The following FOCAD variants were observed in gnomAD, a reference collection of about 807,000 sequenced individuals.
FOCAD encodes KIAA1797.
In FOCAD, 198 loss-of-function variants were observed where a neutral mutation model predicts 225.6. That is an observed-to-expected ratio of 0.88 (90% confidence interval 0.78 to 0.99). The LOEUF is 0.99. Ranked by LOEUF, FOCAD falls within the 50% of genes least tolerant of loss-of-function variation. The pLI, the probability that FOCAD is intolerant of heterozygous loss-of-function variation, is 0.00. For synonymous variants in FOCAD, 897 were observed against 755.0 expected, an observed-to-expected ratio of 1.19 and a Z score of -3.08; for missense variants, 2,713 against 2,123.6, an observed-to-expected ratio of 1.28 and a Z score of -5.46.
chr9:20,805,799 A>G (rs1822379328), intron 11 of FOCAD, among the ~76,000 whole-genome samples: 1 of 152,204 alleles, frequency 6.6e-6, no homozygotes. Flanking sequence ...GTCAGAAAGA[A>G]TAATACATAG....
chr9:20,658,560 C>T (rs905232129), intron 1 of FOCAD: 1 of 154,426 alleles, frequency 6.5e-6, no homozygotes, highest in African/African-American at 2.4e-5. Flanking sequence ...GTCTGTCACC[C>T]CTTTCTTTGA....
At chr9:20,923,839 C>T in intron 25 of FOCAD, 71 bp downstream of exon 25, 1 of 1,173,746 alleles carries the variant, frequency 8.5e-7, no homozygotes, top group Non-Finnish European at 1.3e-6. Flanking sequence ...TAGCCTGGCC[C>T]TGGGCTTACA....
intron 36 of FOCAD, 124 bp downstream of exon 36, chr9:20,976,672 T>C (rs1167404660): frequency 3.8e-6 from 4 of 1,052,388 alleles, no homozygotes; most frequent in South Asian, 1.4e-5. Context: ...AGGTTTGTCA[T>C]GTTGGATGGA....
chr9:20,815,123 G>GGTTTTTTTTTTTTTTTTTTTTTTTTTTT lies in FOCAD; in HGVS notation c.1456-4673_1456-4672insGTTTTTTTTTTTTTTTTTTTTTTTTTTT, dbSNP rs796702774. ...TCTGGAAATATCATTACTTCTCTTTGTTTTTTTTTTTTTGTTTTTTTTTTT... is the reference window on the plus strand; with the variant it reads ...TCTGGAAATATCATTACTTCTCTTTGGTTTTTTTTTTTTTTTTTTTTTTTTTTTTTTTTTTTTTTTTGTTTTTTTTTTT... On this transcript the variant is annotated intron_variant, in intron 11 of 43. Transcript: ENST00000338382. Among the ~76,000 whole-genome samples the GGTTTTTTTTTTTTTTTTTTTTTTTTTTT allele has an allele frequency of 4.8e-4, 41 of 85,386 alleles. 6 individuals carry two copies. The highest frequency in any genetic ancestry group is 2.4e-3 in the East Asian group (8 of 3,358). The allele number at this position is 85,386 out of a possible 152,430, so 56.0% of individuals were successfully genotyped here.
intron 35 of FOCAD, among the ~76,000 whole-genome samples, chr9:20,955,317 TGA>T (rs1838035949): frequency 6.6e-6 from 1 of 152,144 alleles, no homozygotes; most frequent in Non-Finnish European, 1.5e-5. Context: ...CAATCAAATT[TGA>T]GATAGTGAAT....
chr9:20,890,157 G>A (rs573415525), intron 21 of FOCAD, among the ~76,000 whole-genome samples: 1 of 151,692 alleles, frequency 6.6e-6, no homozygotes, highest in Admixed American at 6.6e-5. Context: ...TTTCTGATCT[G>A]TATGCCTGTC....
chr9:20,696,685 C>T (rs1823397282), intron 1 of FOCAD, among the ~76,000 whole-genome samples: 3 of 152,144 alleles, frequency 2.0e-5, no homozygotes, highest in Admixed American at 6.5e-5. Context: ...CAAGCCTGTA[C>T]TTCCAGCTAC....
chr9:20,812,305 C>A (rs1234114553), intron 11 of FOCAD, among the ~76,000 whole-genome samples: 1 of 151,702 alleles, frequency 6.6e-6, no homozygotes, highest in Non-Finnish European at 1.5e-5. Flanking sequence ...TATGAGCTAT[C>A]ATATTTTTTT....
At chr9:20,696,038 T>C (rs1484943222) in intron 1 of FOCAD, among the ~76,000 whole-genome samples, 1 of 152,248 alleles carries the variant, frequency 6.6e-6, no homozygotes, top group Non-Finnish European at 1.5e-5. Flanking sequence ...CATGCATTGC[T>C]GCATTGTTTT....
chr9:20,972,955 G>A (rs7848370), intron 35 of FOCAD, among the ~76,000 whole-genome samples: 1 of 150,738 alleles, frequency 6.6e-6, no homozygotes, highest in East Asian at 2.0e-4. Context: ...CTGTGCTTCT[G>A]CTTTCTGCAG....
At chr9:20,925,483 C>T (rs571995681) in intron 25 of FOCAD, among the ~76,000 whole-genome samples, 2 of 152,276 alleles carry the variant, frequency 1.3e-5, no homozygotes, top group East Asian at 3.9e-4. Context: ...GATGACCTTG[C>T]CTTTGGCTGT....
At chr9:20,789,647 G>C (rs1820316365) in intron 11 of FOCAD, 39 bp downstream of exon 11, 4 of 1,601,118 alleles carry the variant, frequency 2.5e-6, no homozygotes, top group Non-Finnish European at 3.4e-6. Context: ...TGAGAGGAAA[G>C]CTTAATCATT....
At chr9:20,940,150 G>A (rs1836498250) in intron 28 of FOCAD, among the ~76,000 whole-genome samples, 1 of 152,038 alleles carries the variant, frequency 6.6e-6, no homozygotes, top group Non-Finnish European at 1.5e-5. Context: ...GTCTGTTAGA[G>A]CCCAATTAAA....
intron 2 of FOCAD, among the ~76,000 whole-genome samples, chr9:20,667,971 C>A (rs942487841): frequency 1.3e-5 from 2 of 151,828 alleles, no homozygotes; most frequent in Non-Finnish European, 2.9e-5. Flanking sequence ...AAGGTTTAAG[C>A]GTGTTTGGAC....
Position 20,951,021 on chromosome 9 carries a change from G to A in FOCAD, c.3974G>A (p.Gly1325Asp), listed in dbSNP as rs746676362. ...GTCATTAGTGTCTCTGGGGTGATTG[G>A]TCTCCAGTCAAATGCAGTCTGGCTT... ...TQVISVSGVI[G>D]LQSNAVWLLG... The change falls in exon 34 of 44, where the codon GGT becomes GAT. Residue 1325 changes from glycine (G) to aspartate (D), a missense_variant. Physicochemically the swap from Gly to Asp is moderately conservative, Grantham distance 94. Transcript: ENST00000338382. The A allele has an allele frequency of 1.2e-6, 2 of 1,613,444 alleles. No individual in the cohort carries two copies. Among genetic ancestry groups the A allele is most frequent in the South Asian group, 2.2e-5 (2 of 91,028 alleles).
At chr9:20,863,993 C>T (rs1002599364) in intron 16 of FOCAD, among the ~76,000 whole-genome samples, 3 of 151,778 alleles carry the variant, frequency 2.0e-5, no homozygotes, top group Non-Finnish European at 2.9e-5. Context: ...GTATCTTATA[C>T]TAGGGTTCCT....
At chr9:20,661,220 G>T (rs530349186) in intron 2 of FOCAD, among the ~76,000 whole-genome samples, 1 of 152,274 alleles carries the variant, frequency 6.6e-6, no homozygotes. Flanking sequence ...AGAATGGGTT[G>T]GGAGACAACC....
At position 20,662,184 on chromosome 9, in the gene FOCAD, A is replaced by G. The variant is rs183214406; in HGVS notation, c.-78+3358A>G. On this transcript the variant is annotated intron_variant, in intron 2 of 45. Coordinates refer to the FOCAD transcript ENST00000380249. ...GTTGCTAAACATAAAGTGGAAATAT[A>G]TGTGTGTGTGTGTGCATATATGTGT... 2.8e-3 allele frequency among the ~76,000 whole-genome samples: 421 copies of G among 150,452 alleles called. 6 individuals carry two copies. The highest frequency in any genetic ancestry group is 5.0e-3 in the Admixed American group (75 of 15,056).
In FOCAD at chr9:20,789,460, C is replaced by A. The variant is rs1433716282; in HGVS notation, c.1307C>A (p.Ala436Asp). 6.2e-7 allele frequency: 1 copy of A among 1,614,018 alleles called. No homozygotes were observed. Among genetic ancestry groups the A allele is most frequent in the African/African-American group, 1.3e-5 (1 of 75,026 alleles). ...TCGTCTGCTGCAAGTGACTGGTTGG[C>A]TTCAGTAGAGTCATTGCTTCCTATT... ...TDSSAASDWL[A>D]SVESLLPITA... The change falls in exon 11 of 44, where the codon GCT becomes GAT. Residue 436 changes from alanine (A) to aspartate (D), a missense_variant. Coordinates refer to ENST00000338382, the MANE Select transcript of FOCAD (RefSeq NM_001375567.1).
Sources: gnomAD v4.1 joint callset for allele counts (sites outside exome capture counted in the v4.1 genomes callset) on GRCh38, gnomAD v4.1.1 for gene constraint, MANE v1.5 for transcripts, NCBI Gene and HGNC (gene_info 2026-07-23, HGNC 2026-07-21) for gene names.